The following ANKRD50 variants were observed in gnomAD, a reference collection of about 807,000 sequenced individuals.
ANKRD50 encodes ankyrin repeat domain 50, also known as ankyrin repeat domain-containing protein 50.
A neutral mutation model predicts 112.0 loss-of-function variants in ANKRD50; 40 were observed. The ratio of observed to expected loss-of-function variants is 0.36; its 90% CI spans 0.28 to 0.46. The LOEUF is 0.46. Ranked by LOEUF, ANKRD50 falls within the 20% of genes least tolerant of loss-of-function variation. The pLI is 1.00. For synonymous variants in ANKRD50, 613 were observed against 619.1 expected, an observed-to-expected ratio of 0.99 and a Z score of 0.15; for missense variants, 1,487 against 1,701.7, an observed-to-expected ratio of 0.87 and a Z score of 2.22.
intron 2 of ANKRD50, among the ~76,000 whole-genome samples, chr4:124,702,969 C>G (rs2110527007): frequency 6.6e-6 from 1 of 151,994 alleles, no homozygotes; most frequent in Non-Finnish European, 1.5e-5. Flanking sequence ...ACATATTGAT[C>G]AGAATGATAA....
chr4:124,689,182 A>T (rs1725074340), intron 2 of ANKRD50, among the ~76,000 whole-genome samples: 1 of 152,238 alleles, frequency 6.6e-6, no homozygotes, highest in South Asian at 2.1e-4. Flanking sequence ...CCGTATTTCC[A>T]GCAGCTAGCA....
intron 3 of ANKRD50, among the ~76,000 whole-genome samples, chr4:124,673,798 T>C (rs1002004629): frequency 4.6e-5 from 7 of 152,066 alleles, no homozygotes; most frequent in Non-Finnish European, 8.8e-5. Context: ...AAAAACAACC[T>C]ACCAAGAATA....
chr4:124,710,856 A>C lies in ANKRD50; in HGVS notation c.-345T>G. On this transcript the variant is annotated 5_prime_UTR_variant, in exon 2 of 5. It removes an upstream start codon present in the reference 5' UTR. Transcript: ENST00000504087. ...TTCAAGAACAGAGATGAGACAATAC[A>C]TGTGGAAAACTAAAGAAAAAACCCA... The C allele has an allele frequency of 7.2e-6, 3 of 418,256 alleles. No homozygotes were observed. The highest frequency in any genetic ancestry group is 1.3e-5 in the Non-Finnish European group (3 of 235,520). 25.9% of individuals were successfully genotyped at this position (418,256 alleles called of 1,614,324 possible).
At position 124,671,099 on chromosome 4, in the gene ANKRD50, C is replaced by G; in HGVS notation, c.2178G>C (p.Gly726=). The G allele has an allele frequency of 6.2e-7, 1 of 1,613,802 alleles. No homozygotes were observed. Among genetic ancestry groups the G allele is most frequent in the Non-Finnish European group, 8.5e-7 (1 of 1,179,850 alleles). The change falls in exon 4 of 5, where the codon GGG becomes GGC. Residue 726 remains glycine (G), a synonymous_variant. Transcript: ENST00000504087. ...TTAAAAGGCTAACAACTGATGCGTGCCCTTTACTTGCAGGCACACAAAGTG... is the reference window on the plus strand; with the variant it reads ...TTAAAAGGCTAACAACTGATGCGTGGCCTTTACTTGCAGGCACACAAAGTG... The part of the protein sequence containing the change: ...VAALCVPASK[G]HASVVSLLID...
intron 1 of ANKRD50, among the ~76,000 whole-genome samples, chr4:124,711,576 T>G (rs1725633771): frequency 6.6e-6 from 1 of 152,102 alleles, no homozygotes; most frequent in African/African-American, 2.4e-5. Context: ...AGTAACACCC[T>G]TAACTCCAGG....
intron 2 of ANKRD50, among the ~76,000 whole-genome samples, chr4:124,683,442 T>A (rs895398125): frequency 6.6e-6 from 1 of 152,028 alleles, no homozygotes; most frequent in African/African-American, 2.4e-5. Context: ...TTCTGTGTAC[T>A]AAGAATATTA....
At position 124,672,080 on chromosome 4, in the gene ANKRD50, T is replaced by C; in HGVS notation, c.1197A>G (p.Gly399=). ...LDILSKLLVD[G]LGNTKILFHY... ...GAAACAGTATTTTTGTATTTCCTAG[T>C]CCATCAACAAGAAGTTTGGAGAGGA... Residue 399 remains glycine (G), a synonymous_variant, in exon 4 of 5, where the codon GGA becomes GGG. Coordinates refer to ENST00000504087, the MANE Select transcript of ANKRD50 (RefSeq NM_020337.3). The C allele has an allele frequency of 6.2e-7, 1 of 1,613,896 alleles. No individual in the cohort carries two copies. Among genetic ancestry groups the C allele is most frequent in the Non-Finnish European group, 8.5e-7 (1 of 1,179,864 alleles).
intron 2 of ANKRD50, among the ~76,000 whole-genome samples, chr4:124,683,913 T>TG (rs1171062496): frequency 6.7e-6 from 1 of 149,888 alleles, no homozygotes; most frequent in East Asian, 1.9e-4. Flanking sequence ...TCTTTTTTTT[T>TG]TTTTTTCCAT....
chr4:124,677,421 A>C (rs1730797902), intron 3 of ANKRD50, among the ~76,000 whole-genome samples: 1 of 151,892 alleles, frequency 6.6e-6, no homozygotes, highest in African/African-American at 2.4e-5. Flanking sequence ...AAAGAGATTT[A>C]TTGATGGGAA....
chr4:124,712,282 A>T (rs914994976), intron 1 of ANKRD50, among the ~76,000 whole-genome samples, 176 bp downstream of exon 1: 1 of 151,166 alleles, frequency 6.6e-6, no homozygotes, highest in Non-Finnish European at 1.5e-5. Flanking sequence ...CTCCCGCCCC[A>T]TGCCCCGCTC....
At chr4:124,694,217 T>G (rs1725201095) in intron 2 of ANKRD50, among the ~76,000 whole-genome samples, 1 of 152,162 alleles carries the variant, frequency 6.6e-6, no homozygotes, top group Non-Finnish European at 1.5e-5. Flanking sequence ...GTAAAATTGA[T>G]AATTAAAATT....
chr4:124,680,101 A>G (rs988498245), intron 2 of ANKRD50, among the ~76,000 whole-genome samples: 1 of 152,244 alleles, frequency 6.6e-6, no homozygotes, highest in Non-Finnish European at 1.5e-5. Flanking sequence ...AATCCCTATT[A>G]CATGCTTCCA....
In ANKRD50 at chr4:124,672,503, C is replaced by G. The variant is rs1357311178; in HGVS notation, c.774G>C (p.Arg258=). The G allele has an allele frequency of 1.6e-5, 25 of 1,598,270 alleles. No individual in the cohort carries two copies. Among genetic ancestry groups the G allele is most frequent in the Non-Finnish European group, 2.1e-5 (25 of 1,174,922 alleles). ...GAACATCCTTGACGATATATGCCTT[C>G]CGAAGGTCATCTAAACTTATTTTTC... ...GFRKISLDDL[R]KAYIVKDVQQ... The change falls in exon 4 of 5, where the codon CGG becomes CGC. Residue 258 remains arginine (R), a synonymous_variant. Coordinates refer to ENST00000504087, the MANE Select transcript of ANKRD50 (RefSeq NM_020337.3).
At chr4:124,695,366 C>G (rs574315663) in intron 2 of ANKRD50, among the ~76,000 whole-genome samples, 20 of 152,276 alleles carry the variant, frequency 1.3e-4, no homozygotes, top group Admixed American at 3.3e-4. Flanking sequence ...GACTAAGAAT[C>G]AGGTTTGGCT....
chr4:124,705,567 A>G (rs1328971551), intron 2 of ANKRD50, among the ~76,000 whole-genome samples: 1 of 152,180 alleles, frequency 6.6e-6, no homozygotes, highest in African/African-American at 2.4e-5. Context: ...TCCCAACACC[A>G]TATCCTTTTA....
At chr4:124,691,285 G>A (rs1202428965) in intron 2 of ANKRD50, among the ~76,000 whole-genome samples, 1 of 151,846 alleles carries the variant, frequency 6.6e-6, no homozygotes, top group African/African-American at 2.4e-5. Flanking sequence ...GAGGTCAGGA[G>A]ATCGAGACCA....
intron 2 of ANKRD50, among the ~76,000 whole-genome samples, chr4:124,707,422 T>G (rs540245045): frequency 6.6e-6 from 1 of 152,202 alleles, no homozygotes; most frequent in South Asian, 2.1e-4. Context: ...TAATATCACA[T>G]ACCAAACAAA....
chr4:124,703,806 C>CA (rs199750768), intron 2 of ANKRD50, among the ~76,000 whole-genome samples: 1,716 of 152,064 alleles, frequency 0.011, 44 homozygotes, highest in African/African-American at 0.039. Context: ...AGTTATCAAA[C>CA]AATAAATTGG....
At chr4:124,688,883 T>C (rs1725067895) in intron 2 of ANKRD50, among the ~76,000 whole-genome samples, 1 of 152,142 alleles carries the variant, frequency 6.6e-6, no homozygotes, top group African/African-American at 2.4e-5. Context: ...GATCCTCCCT[T>C]TGGCCTTAGA....
Sources: allele counts gnomAD v4.1 joint callset (sites outside exome capture counted in the v4.1 genomes callset), GRCh38; gene constraint gnomAD v4.1.1; transcripts MANE v1.5; gene names NCBI Gene and HGNC (gene_info 2026-07-23, HGNC 2026-07-21).